Variants in EGFR observed in about 807,000 individuals in gnomAD.
EGFR encodes avian erythroblastic leukemia viral (v-erb-b) oncogene homolog.
In EGFR, 58 loss-of-function variants were observed where a neutral mutation model predicts 143.0. The observed-to-expected ratio is 0.41, with a 90% CI of 0.33 to 0.50. The LOEUF (loss-of-function observed/expected upper bound fraction) is 0.50, where lower values mean the gene tolerates loss of function less well. EGFR is among the 20% of genes least tolerant of loss of function. The pLI is 0.39. For synonymous variants in EGFR, 613 were observed against 594.4 expected, an observed-to-expected ratio of 1.03 and a Z score of -0.45; for missense variants, 1,307 against 1,579.0, an observed-to-expected ratio of 0.83 and a Z score of 2.92.
intron 1 of EGFR, among the ~76,000 whole-genome samples, chr7:55,111,121 A>G (rs1356572789): frequency 6.6e-6 from 1 of 152,206 alleles, no homozygotes; most frequent in Non-Finnish European, 1.5e-5. Context: ...ACTCTTCCCA[A>G]GAAACCCTGC....
chr7:55,037,310 C>A (rs1369038144), intron 1 of EGFR, among the ~76,000 whole-genome samples: 1 of 152,160 alleles, frequency 6.6e-6, no homozygotes, highest in Non-Finnish European at 1.5e-5. Context: ...GAAAACGTAG[C>A]CTCTGACCCC....
chr7:55,074,453 C>T (rs1042808794), intron 1 of EGFR, among the ~76,000 whole-genome samples: 3 of 152,326 alleles, frequency 2.0e-5, no homozygotes, highest in Admixed American at 6.5e-5. Flanking sequence ...GGTTTGTGAA[C>T]ATAAAACAGA....
At chr7:55,070,434 A>G (rs961019688) in intron 1 of EGFR, among the ~76,000 whole-genome samples, 6 of 152,232 alleles carry the variant, frequency 3.9e-5, no homozygotes, top group African/African-American at 1.2e-4. Context: ...AATTGCCCCA[A>G]CTACGGTGGG....
intron 14 of EGFR, among the ~76,000 whole-genome samples, chr7:55,164,217 C>G (rs17336877): frequency 6.8e-4 from 103 of 152,078 alleles, no homozygotes; most frequent in Non-Finnish European, 1.3e-3. Context: ...GCTAGCAAAA[C>G]TTTTTAAACT....
At chr7:55,084,848 G>A (rs561666024) in intron 1 of EGFR, among the ~76,000 whole-genome samples, 7 of 152,224 alleles carry the variant, frequency 4.6e-5, no homozygotes, top group African/African-American at 1.4e-4. Context: ...GTCCTGAGAT[G>A]CTCTTAGCCA....
intron 1 of EGFR, among the ~76,000 whole-genome samples, chr7:55,037,563 C>T (rs1311093725): frequency 6.6e-6 from 1 of 152,214 alleles, no homozygotes; most frequent in East Asian, 1.9e-4. Flanking sequence ...GCCTCATACC[C>T]CTCAGTGAGC....
rs2128968796 is a variant in EGFR at position 55,198,800 on chromosome 7, A to G, written c.2785A>G (p.Lys929Glu). 1 of 1,614,174 alleles carries G rather than the reference A, an allele frequency of 6.2e-7. No homozygotes were observed. The highest frequency in any genetic ancestry group is 8.5e-7 in the Non-Finnish European group (1 of 1,180,032). ...PASEISSILE[K>E]GERLPQPPIC... The stretch of plus-strand genomic sequence containing the variant: ...CAGCGAGATCTCCTCCATCCTGGAG[A>G]AAGGAGAACGCCTCCCTCAGCCACC... The change falls in exon 23 of 28, where the codon AAA becomes GAA. Residue 929 changes from lysine (K) to glutamate (E), a missense_variant. This residue lies in a region of EGFR where 348 missense variants were observed against 451.5 expected (regional missense o/e 0.77). Coordinates refer to ENST00000275493, the MANE Select transcript of EGFR (RefSeq NM_005228.5).
Position 55,101,292 on chromosome 7 carries a change from T to G in EGFR, c.89-40994T>G, listed in dbSNP as rs927436244. On this transcript the variant is annotated intron_variant, in intron 1 of 27. Transcript: ENST00000275493. Reference sequence around the variant, plus strand: ...GTTCCTACTGTTCTCAGCACTTCCTTCCAGCTTACTGAGGTACACTCAGAT... The same window carrying G: ...GTTCCTACTGTTCTCAGCACTTCCTGCCAGCTTACTGAGGTACACTCAGAT... Among the ~76,000 whole-genome samples, 3 of 152,238 alleles carry G rather than the reference T, an allele frequency of 2.0e-5. 1 individual carries two copies. Among genetic ancestry groups the G allele is most frequent in the African/African-American group, 7.2e-5 (3 of 41,458 alleles).
At chr7:55,192,880 G>T (rs1400060546) in intron 22 of EGFR, 39 bp downstream of exon 22, 2 of 1,579,668 alleles carry the variant, frequency 1.3e-6, no homozygotes. Flanking sequence ...TTGTACTGAG[G>T]CCAAGCTGGC....
intron 1 of EGFR, among the ~76,000 whole-genome samples, chr7:55,100,094 C>T (rs1451538115): frequency 1.3e-5 from 2 of 152,226 alleles, no homozygotes; most frequent in Non-Finnish European, 2.9e-5. Flanking sequence ...CAGCATCTCT[C>T]AGCATCTCTG....
chr7:55,165,491 T>C (rs2128946672), intron 15 of EGFR, 54 bp downstream of exon 15: 2 of 1,566,094 alleles, frequency 1.3e-6, no homozygotes, highest in South Asian at 1.2e-5. Context: ...AATTCAGAGA[T>C]CAAAAATGTC....
rs570927662 is a variant in EGFR, at chr7:55,177,922, G to T, written c.2283+3102G>T. On this transcript the variant is annotated intron_variant, in intron 19 of 27. Transcript: ENST00000275493. The stretch of plus-strand genomic sequence containing the variant: ...GCTCGCTTTAGCTTCTGCGTACACC[G>T]AACGGGACACACGACTGAACAGCGT... 1.9e-3 allele frequency among the ~76,000 whole-genome samples: 285 copies of T among 152,344 alleles called. 3 individuals carry two copies. Among genetic ancestry groups the T allele is most frequent in the African/African-American group, 6.5e-3 (271 of 41,576 alleles).
intron 26 of EGFR, 116 bp from the exon 27 acceptor site, chr7:55,202,401 G>T (rs1252523421): frequency 4.5e-6 from 4 of 884,320 alleles, no homozygotes. Context: ...AGACTCTCAG[G>T]CCTGCCCAAC....
At chr7:55,122,101 T>C (rs1415956236) in intron 1 of EGFR, among the ~76,000 whole-genome samples, 2 of 152,182 alleles carry the variant, frequency 1.3e-5, no homozygotes, top group African/African-American at 4.8e-5. Flanking sequence ...AGAGATCTGC[T>C]CTCTAGGAGC....
chr7:55,170,709 T>A (rs1786305234), intron 15 of EGFR: 1 of 1,527,186 alleles, frequency 6.5e-7, no homozygotes, highest in African/African-American at 1.4e-5. Context: ...AGGACTGACC[T>A]CTTCCTCCTC....
rs138062035 is a variant in EGFR, at chr7:55,190,219, A to G, written c.2470-1500A>G. On this transcript the variant is annotated intron_variant, in intron 20 of 27. Coordinates refer to ENST00000275493, the MANE Select transcript of EGFR (RefSeq NM_005228.5). ...GAGAAGAACCTGCTCATTTCCTCTTAAGTAGGCAGGGAAGCACTAACGTCC... is the reference window on the plus strand; with the variant it reads ...GAGAAGAACCTGCTCATTTCCTCTTGAGTAGGCAGGGAAGCACTAACGTCC... Among the ~76,000 whole-genome samples, 463 of 152,128 alleles carry G rather than the reference A, an allele frequency of 3.0e-3. 5 individuals are homozygous for G. The highest frequency in any genetic ancestry group is 0.011 in the African/African-American group (445 of 41,502).
intron 1 of EGFR, among the ~76,000 whole-genome samples, chr7:55,096,375 G>A (rs1004341303): frequency 6.6e-6 from 1 of 152,254 alleles, no homozygotes; most frequent in Admixed American, 6.5e-5. Flanking sequence ...TTGCTGCTGA[G>A]TTAACTTTGT....
chr7:55,116,378 T>C (rs1442320148), intron 1 of EGFR, among the ~76,000 whole-genome samples: 1 of 152,206 alleles, frequency 6.6e-6, no homozygotes, highest in African/African-American at 2.4e-5. Context: ...GCACCTCTCA[T>C]TTATGTACTC....
intron 15 of EGFR, chr7:55,170,262 C>T (rs1370077580): frequency 6.2e-7 from 1 of 1,613,730 alleles, no homozygotes; most frequent in South Asian, 1.1e-5. Flanking sequence ...CCAGGGCTCC[C>T]CAGGCCTCTC....
Sources: gnomAD v4.1 joint callset for allele counts (sites outside exome capture counted in the v4.1 genomes callset) on GRCh38, gnomAD v4.1.1 for gene constraint, gnomAD v4.1.1 regional missense constraint, MANE v1.5 for transcripts, NCBI Gene and HGNC (gene_info 2026-07-23, HGNC 2026-07-21) for gene names.